The following IPO11 variants were observed in gnomAD, a reference collection of about 807,000 sequenced individuals.
The protein encoded by IPO11 is importin-11.
A neutral mutation model predicts 143.2 loss-of-function variants in IPO11; 66 were observed. The observed-to-expected ratio is 0.46, with a 90% CI of 0.38 to 0.57. The LOEUF (loss-of-function observed/expected upper bound fraction) is 0.57, where lower values mean the gene tolerates loss of function less well. IPO11 is among the 20% of genes least tolerant of loss of function. IPO11 has a pLI of 0.00. For synonymous variants in IPO11, 385 were observed against 377.8 expected, an observed-to-expected ratio of 1.02 and a Z score of -0.22; for missense variants, 1,026 against 1,141.0, an observed-to-expected ratio of 0.90 and a Z score of 1.45.
chr5:62,613,382 A>G lies in IPO11; in HGVS notation c.2763+11534A>G, dbSNP rs183953628. Among the ~76,000 whole-genome samples, 393 of 134,176 alleles carry G rather than the reference A, an allele frequency of 2.9e-3. 3 individuals carry two copies. Among genetic ancestry groups the G allele is most frequent in the African/African-American group, 0.01 (372 of 35,618 alleles). The allele number at this position is 134,176 out of a possible 152,430, so 88.0% of individuals were successfully genotyped here. ...GCAGTAGTGTGATCTGGCTCACTGC[A>G]ACCTCTATCTGATGGGCTCAAGCCA... is the stretch of plus-strand genomic sequence containing the variant. On this transcript the variant is annotated intron_variant, in intron 29 of 29. Transcript: ENST00000325324.
chr5:62,488,183 C>G (rs1181128438), intron 13 of IPO11, among the ~76,000 whole-genome samples: 2 of 152,122 alleles, frequency 1.3e-5, no homozygotes, highest in Non-Finnish European at 2.9e-5. Flanking sequence ...GTGTTAGCCT[C>G]TCTTAGAATG....
chr5:62,443,063 C>G lies in IPO11; in HGVS notation c.219C>G (p.Tyr73Ter). Reference protein sequence around the residue: ...VLYFKHGIDRYWRRVAPHALS... With the variant: ...VLYFKHGIDR ...ATTTTAAACATGGAATTGATCGCTA[C>G]TGGAGACGTGTAGCACCTCAGTAAG... Residue 73 changes from tyrosine (Y) to a stop codon, truncating the protein, a stop_gained, in exon 3 of 30, where the codon TAC (tyrosine) becomes TAG (stop). Coordinates refer to ENST00000325324, the MANE Select transcript of IPO11 (RefSeq NM_016338.5). LOFTEE classifies it high-confidence loss of function. 6.2e-7 allele frequency: 1 copy of G among 1,609,462 alleles called. No homozygotes were observed. The highest frequency in any genetic ancestry group is 8.5e-7 in the Non-Finnish European group (1 of 1,176,924).
intron 8 of IPO11, 31 bp downstream of exon 8, chr5:62,474,495 G>C (rs570549952): frequency 6.7e-7 from 1 of 1,502,742 alleles, no homozygotes; most frequent in Non-Finnish European, 9.1e-7. Flanking sequence ...CCTTTTTACT[G>C]TAGAATTTTT....
At chr5:62,567,135 T>C (rs1743971870) in intron 27 of IPO11, among the ~76,000 whole-genome samples, 1 of 152,212 alleles carries the variant, frequency 6.6e-6, no homozygotes. Flanking sequence ...TCAGCTTTTG[T>C]CTGTCTGAGA....
In IPO11 at chr5:62,504,709, C is replaced by T. The variant is rs1741484563; in HGVS notation, c.1624+9C>T. The T allele has an allele frequency of 6.8e-7, 1 of 1,477,928 alleles. No individual in the cohort carries two copies. Among genetic ancestry groups the T allele is most frequent in the Non-Finnish European group, 9.2e-7 (1 of 1,081,422 alleles). The allele number at this position is 1,477,928 out of a possible 1,614,324, so 91.6% of individuals were successfully genotyped here. ...TACAACTTTGAAGTTAAATATCCTTCTGAAAATTTAAAAATACTTCATTGC... is the reference window on the plus strand; with the variant it reads ...TACAACTTTGAAGTTAAATATCCTTTTGAAAATTTAAAAATACTTCATTGC... On this transcript the variant is annotated intron_variant, in intron 17 of 29. Coordinates refer to ENST00000325324, the MANE Select transcript of IPO11 (RefSeq NM_016338.5).
chr5:62,451,007 C>T lies in IPO11; in HGVS notation c.313-723C>T, dbSNP rs542356044. On this transcript the variant is annotated intron_variant, in intron 4 of 29. Transcript: ENST00000325324. ...GGAGCTGAAGCATAATGGAGAAAAA[C>T]GGAGTTACCTTTAATGGGGCAGGAG... Among the ~76,000 whole-genome samples the T allele has an allele frequency of 1.1e-4, 16 of 152,196 alleles. No individual in the cohort carries two copies. In the South Asian group the frequency reaches 1.2e-3, roughly 12 times the overall value.
chr5:62,456,969 A>T (rs1274677134), intron 5 of IPO11, among the ~76,000 whole-genome samples: 1 of 151,628 alleles, frequency 6.6e-6, no homozygotes, highest in African/African-American at 2.4e-5. Flanking sequence ...AATCCCACCT[A>T]CTCGGGAGCC....
chr5:62,467,827 A>C (rs1745623746), intron 6 of IPO11, among the ~76,000 whole-genome samples: 1 of 152,110 alleles, frequency 6.6e-6, no homozygotes, highest in South Asian at 2.1e-4. Flanking sequence ...ATCTTGATGA[A>C]TGTATTCCTA....
chr5:62,514,728 G>A (rs1741945116), intron 19 of IPO11, among the ~76,000 whole-genome samples: 1 of 152,184 alleles, frequency 6.6e-6, no homozygotes, highest in African/African-American at 2.4e-5. Context: ...GAGCTGAAAC[G>A]CTGTCCAGCA....
At chr5:62,472,582 C>G (rs1228702963) in intron 7 of IPO11, among the ~76,000 whole-genome samples, 2 of 146,610 alleles carry the variant, frequency 1.4e-5, no homozygotes, top group Non-Finnish European at 3.0e-5. Flanking sequence ...GGCTGGAGTG[C>G]AATGGCGTGA....
chr5:62,439,077 A>T (rs1744348896), intron 2 of IPO11, among the ~76,000 whole-genome samples: 1 of 150,998 alleles, frequency 6.6e-6, no homozygotes, highest in Non-Finnish European at 1.5e-5. Context: ...AAAAAAAAAA[A>T]TCTCTTGAGT....
chr5:62,576,182 TC>T, intron 27 of IPO11: 1 of 157,086 alleles, frequency 6.4e-6, no homozygotes, highest in Non-Finnish European at 1.5e-5. Flanking sequence ...ATAAACACCT[TC>T]AGTTTTAAGA....
At chr5:62,485,364 T>G (rs1196976137) in intron 11 of IPO11, 55 bp from the exon 12 acceptor site, 1 of 1,379,910 alleles carries the variant, frequency 7.2e-7, no homozygotes, top group Non-Finnish European at 1.0e-6. Flanking sequence ...ATTAAAATCT[T>G]TGTTTTCTAA....
intron 29 of IPO11, among the ~76,000 whole-genome samples, chr5:62,605,538 G>A (rs1397950973): frequency 6.6e-6 from 1 of 151,848 alleles, no homozygotes; most frequent in Non-Finnish European, 1.5e-5. Context: ...ATTCTAATTA[G>A]TAGAATAATA....
rs1290765017 is a variant in IPO11 at position 62,628,454 on chromosome 5, A to G, written c.*1136A>G. On this transcript the variant is annotated 3_prime_UTR_variant, in exon 30 of 30. Coordinates refer to ENST00000325324, the MANE Select transcript of IPO11 (RefSeq NM_016338.5). ...TTTATCTTTCTATAGAAAGTTGGGT[A>G]CAGTATGTAACTGCGGGAAACCCAC... The G allele has an allele frequency of 1.3e-5, 2 of 152,644 alleles. No homozygotes were observed. Among genetic ancestry groups the G allele is most frequent in the Admixed American group, 6.5e-5 (1 of 15,284 alleles). 9.5% of individuals were successfully genotyped at this position (152,644 alleles called of 1,614,324 possible).
chr5:62,449,865 T>C lies in IPO11; in HGVS notation c.240-62T>C, dbSNP rs2112158252. 4 of 1,042,304 alleles carry C rather than the reference T, an allele frequency of 3.8e-6. No homozygotes were observed. The East Asian group carries it at 7.7e-5, about 20-fold the overall frequency. 64.6% of individuals were successfully genotyped at this position (1,042,304 alleles called of 1,614,324 possible). A position where few individuals can be genotyped will look rare whatever the true frequency, so the allele number is the denominator to read the frequency against. On this transcript the variant is annotated intron_variant, in intron 3 of 29. Coordinates refer to ENST00000325324, the MANE Select transcript of IPO11 (RefSeq NM_016338.5). ...TTTTTATTAAAATTTACAGTAATGCTTACCTACATTTATTATTAGGTGGCA... is the reference window on the plus strand; with the variant it reads ...TTTTTATTAAAATTTACAGTAATGCCTACCTACATTTATTATTAGGTGGCA...
chr5:62,416,506 A>G (rs187409640), intron 1 of IPO11, among the ~76,000 whole-genome samples: 7 of 152,032 alleles, frequency 4.6e-5, no homozygotes, highest in Admixed American at 3.9e-4. Flanking sequence ...TTATAATGGC[A>G]TCAGTTATAT....
chr5:62,502,261 G>A (rs1183861986), intron 16 of IPO11, among the ~76,000 whole-genome samples: 2 of 152,038 alleles, frequency 1.3e-5, no homozygotes, highest in African/African-American at 4.8e-5. Flanking sequence ...GCTGGGGTAG[G>A]GTAGACAGAC....
chr5:62,446,171 A>G (rs1744710296), intron 3 of IPO11, among the ~76,000 whole-genome samples: 1 of 152,196 alleles, frequency 6.6e-6, no homozygotes, highest in Non-Finnish European at 1.5e-5. Flanking sequence ...ACTTTCTTTG[A>G]AGTGTAATGT....
Sources: allele counts gnomAD v4.1 joint callset (sites outside exome capture counted in the v4.1 genomes callset), GRCh38; gene constraint gnomAD v4.1.1; transcripts MANE v1.5; gene names NCBI Gene and HGNC (gene_info 2026-07-23, HGNC 2026-07-21).